The following SERGEF variants were observed in gnomAD, a reference collection of about 807,000 sequenced individuals.
SERGEF encodes secretion regulating guanine nucleotide exchange factor.
In SERGEF, 51 loss-of-function variants were observed where a neutral mutation model predicts 50.0. The observed-to-expected ratio is 1.02, with a 90% CI of 0.81 to 1.29. The LOEUF (loss-of-function observed/expected upper bound fraction) is 1.29, where lower values mean the gene tolerates loss of function less well. Among genes scored for constraint, SERGEF ranks in the 50% most tolerant of loss-of-function variants. The probability of loss-of-function intolerance (pLI) is 0.00; values close to 1 mark genes in which losing one functional copy is unlikely to be tolerated. For synonymous variants in SERGEF, 205 were observed against 212.4 expected (o/e 0.97, Z 0.30); for missense variants, 521 against 557.0 (o/e 0.94, Z 0.65).
At chr11:17,986,836 T>C (rs1476755428) in intron 8 of SERGEF, among the ~76,000 whole-genome samples, 2 of 152,252 alleles carry the variant, frequency 1.3e-5, no homozygotes, top group Non-Finnish European at 2.9e-5. Flanking sequence ...CCCTTTGTAC[T>C]TAGCTGTATT....
intron 10 of SERGEF, among the ~76,000 whole-genome samples, chr11:17,867,124 T>C (rs1851043643): frequency 6.6e-6 from 1 of 152,240 alleles, no homozygotes; most frequent in Non-Finnish European, 1.5e-5. Flanking sequence ...TTCTTAACAG[T>C]GTCCTAAAGT....
intron 9 of SERGEF, among the ~76,000 whole-genome samples, chr11:17,915,491 G>A (rs957014133): frequency 3.9e-5 from 6 of 152,068 alleles, no homozygotes; most frequent in African/African-American, 1.4e-4. Flanking sequence ...TCTGACTCTT[G>A]GTCCAGTGCT....
chr11:17,937,200 T>C (rs1055372552), intron 9 of SERGEF, among the ~76,000 whole-genome samples: 7 of 152,160 alleles, frequency 4.6e-5, no homozygotes, highest in Non-Finnish European at 1.0e-4. Context: ...TAATGTCTCA[T>C]ATTTTTAAAA....
chr11:17,861,801 G>A (rs888271244), intron 10 of SERGEF, among the ~76,000 whole-genome samples: 1 of 152,242 alleles, frequency 6.6e-6, no homozygotes, highest in Admixed American at 6.5e-5. Flanking sequence ...TAGAGCCACA[G>A]TCAGACTGTA....
intron 10 of SERGEF, among the ~76,000 whole-genome samples, chr11:17,870,881 G>A (rs542716802): frequency 2.0e-4 from 31 of 151,892 alleles, no homozygotes; most frequent in Admixed American, 9.2e-4. Flanking sequence ...GCATACAAAC[G>A]GAAAAACAAA....
At chr11:17,858,828 A>C (rs540443618) in intron 10 of SERGEF, among the ~76,000 whole-genome samples, 1 of 152,228 alleles carries the variant, frequency 6.6e-6, no homozygotes, top group African/African-American at 2.4e-5. Flanking sequence ...AGGAGTGGTT[A>C]CCCTTGGAGA....
In SERGEF at chr11:17,918,625, G is replaced by GACACACAC. The variant is rs141971282; in HGVS notation, c.1012-40389_1012-40382dup. The GACACACAC allele has an allele frequency of 5.6e-4, 173 of 308,288 alleles. No individual in the cohort carries two copies. The East Asian group carries it at 8.4e-3, about 15-fold the overall frequency. 19.1% of individuals were successfully genotyped at this position (308,288 alleles called of 1,614,324 possible). A position where few individuals can be genotyped will look rare whatever the true frequency, so the allele number is the denominator to read the frequency against. ...CAGTAAGATAAATAAAGCAGGAACAGACACACACACACACACACACACACA... is the reference window on the plus strand; with the variant it reads ...CAGTAAGATAAATAAAGCAGGAACAGACACACACACACACACACACACACACACACACA... On this transcript the variant is annotated intron_variant, in intron 9 of 10. Transcript: ENST00000265965.
At chr11:18,002,026 G>C in intron 4 of SERGEF, 1 of 456,270 alleles carries the variant, frequency 2.2e-6, no homozygotes, top group Non-Finnish European at 4.4e-6. Context: ...AAAGGGCTGA[G>C]CTTTGGCCTT....
At chr11:17,999,982 C>G (rs1475165163) in intron 5 of SERGEF, among the ~76,000 whole-genome samples, 1 of 152,206 alleles carries the variant, frequency 6.6e-6, no homozygotes, top group Non-Finnish European at 1.5e-5. Flanking sequence ...ACACAAAGAG[C>G]TAGAAAACTT....
At chr11:17,862,563 G>A (rs1026650813) in intron 10 of SERGEF, among the ~76,000 whole-genome samples, 11 of 152,194 alleles carry the variant, frequency 7.2e-5, no homozygotes, top group African/African-American at 2.7e-4. Flanking sequence ...TGAATGAATA[G>A]TCATAGCTGT....
chr11:17,800,447 A>G (rs556677399), intron 10 of SERGEF, among the ~76,000 whole-genome samples: 8 of 152,334 alleles, frequency 5.3e-5, no homozygotes, highest in Non-Finnish European at 1.0e-4. Flanking sequence ...TGTGTTTTGC[A>G]TACTTATTTA....
chr11:17,981,948 G>A (rs904784223), intron 8 of SERGEF, among the ~76,000 whole-genome samples: 2 of 151,960 alleles, frequency 1.3e-5, no homozygotes, highest in Non-Finnish European at 2.9e-5. Flanking sequence ...CCACAGGCAC[G>A]CACCACCACA....
intron 2 of SERGEF, 128 bp from the exon 3 acceptor site, chr11:18,006,874 G>A (rs2134013872): frequency 1.3e-5 from 13 of 1,038,494 alleles, no homozygotes; most frequent in Non-Finnish European, 1.7e-5. Flanking sequence ...AAGTTAATAA[G>A]CTGTGTATGT....
chr11:17,944,216 C>T lies in SERGEF; in HGVS notation c.1011+15254G>A, dbSNP rs140912446. Among the ~76,000 whole-genome samples, 543 of 152,258 alleles carry T rather than the reference C, an allele frequency of 3.6e-3. 2 individuals carry two copies. The highest frequency in any genetic ancestry group is 0.012 in the African/African-American group (504 of 41,538). ...TGCTGGGATTACAGGTGTCAGCCACCGTGCCCGGCCTTTATTTTTTTCTAA... is the reference window on the plus strand; with the variant it reads ...TGCTGGGATTACAGGTGTCAGCCACTGTGCCCGGCCTTTATTTTTTTCTAA... On this transcript the variant is annotated intron_variant, in intron 9 of 10. Coordinates refer to ENST00000265965, the MANE Select transcript of SERGEF (RefSeq NM_012139.4).
chr11:17,995,373 T>A (rs1023563376), intron 6 of SERGEF, among the ~76,000 whole-genome samples: 3 of 152,206 alleles, frequency 2.0e-5, no homozygotes, highest in African/African-American at 7.2e-5. Context: ...AGAGGGTACA[T>A]CCTCATGTCC....
intron 10 of SERGEF, among the ~76,000 whole-genome samples, chr11:17,805,330 G>A (rs1319754881): frequency 6.6e-6 from 1 of 152,230 alleles, no homozygotes; most frequent in Non-Finnish European, 1.5e-5. Flanking sequence ...TCCCGGATCT[G>A]ATGGTTGATG....
intron 8 of SERGEF, among the ~76,000 whole-genome samples, chr11:17,980,160 T>A (rs17794213): frequency 0.11 from 17,394 of 152,160 alleles, 1,310 homozygotes; most frequent in Middle Eastern, 0.22. Flanking sequence ...AAATTATCCA[T>A]CTTTAGGAAC....
At chr11:17,890,885 G>A (rs2214564) in intron 9 of SERGEF, among the ~76,000 whole-genome samples, 22,822 of 152,188 alleles carry the variant, frequency 0.15, 2,056 homozygotes, top group Middle Eastern at 0.27. Flanking sequence ...AAATGACACA[G>A]AAGCAAACTT....
At chr11:17,805,970 C>T (rs944884539) in intron 10 of SERGEF, among the ~76,000 whole-genome samples, 1 of 152,194 alleles carries the variant, frequency 6.6e-6, no homozygotes, top group African/African-American at 2.4e-5. Context: ...CCCATTTGTC[C>T]TTCAAGAAAC....
Sources: allele counts gnomAD v4.1 joint callset (sites outside exome capture counted in the v4.1 genomes callset), GRCh38; gene constraint gnomAD v4.1.1; transcripts MANE v1.5; gene names NCBI Gene and HGNC (gene_info 2026-07-23, HGNC 2026-07-21).